The following TRHDE variants were observed in gnomAD, a reference collection of about 807,000 sequenced individuals.
TRHDE encodes thyrotropin releasing hormone degrading enzyme.
TRHDE carries 72 observed loss-of-function variants against 125.7 expected under a neutral mutation model. The ratio of observed to expected loss-of-function variants is 0.57; its 90% CI spans 0.47 to 0.70. The LOEUF (loss-of-function observed/expected upper bound fraction) is 0.70, where lower values mean the gene tolerates loss of function less well. Among genes scored for constraint, TRHDE ranks in the 30% least tolerant of loss-of-function variants. TRHDE has a pLI of 0.00. For missense variants in TRHDE, 1,110 were observed against 1,327.1 expected, an observed-to-expected ratio of 0.84 and a Z score of 2.54; for synonymous variants, 509 against 509.1, an observed-to-expected ratio of 1.00 and a Z score of 0.00.
At chr12:72,087,548 T>G (rs763248007) in intron 1 of TRHDE, 1 of 152,162 alleles carries the variant, frequency 6.6e-6, no homozygotes, top group Non-Finnish European at 1.5e-5. Flanking sequence ...TAAGTACAGA[T>G]GCAAATGAAT....
At chr12:72,441,015 C>A (rs1874984014) in intron 3 of TRHDE, among the ~76,000 whole-genome samples, 1 of 151,736 alleles carries the variant, frequency 6.6e-6, no homozygotes, top group African/African-American at 2.4e-5. Flanking sequence ...TGTGTTATGA[C>A]TTTCTGAAAT....
chr12:72,437,606 C>G (rs1041765580), intron 3 of TRHDE, among the ~76,000 whole-genome samples: 7 of 151,736 alleles, frequency 4.6e-5, no homozygotes, highest in Non-Finnish European at 1.0e-4. Flanking sequence ...TCAAAGTATA[C>G]AAGTGCAAAA....
chr12:72,091,999 A>G (rs752885644), intron 1 of TRHDE, among the ~76,000 whole-genome samples: 53 of 152,168 alleles, frequency 3.5e-4, no homozygotes, highest in Non-Finnish European at 7.4e-4. Context: ...GTCTTTTGTT[A>G]TCATTTCTGT....
intron 3 of TRHDE, among the ~76,000 whole-genome samples, chr12:72,444,525 AGT>A (rs772090382): frequency 5.1e-4 from 78 of 151,980 alleles, no homozygotes; most frequent in Admixed American, 9.2e-4. Flanking sequence ...TGAACCAAGA[AGT>A]ACATCCTGCT....
chr12:72,553,140 A>T (rs1057285113), intron 7 of TRHDE, among the ~76,000 whole-genome samples: 5 of 152,144 alleles, frequency 3.3e-5, no homozygotes, highest in Non-Finnish European at 7.4e-5. Context: ...AAGAGTAGAA[A>T]GGTACTTTCT....
chr12:72,390,563 A>G (rs1872578694), intron 3 of TRHDE, among the ~76,000 whole-genome samples: 1 of 152,240 alleles, frequency 6.6e-6, no homozygotes, highest in South Asian at 2.1e-4. Flanking sequence ...ATTAGGGTTA[A>G]CCATCTAAAA....
At chr12:72,176,623 A>T (rs892545749) in intron 2 of TRHDE, among the ~76,000 whole-genome samples, 3 of 152,202 alleles carry the variant, frequency 2.0e-5, no homozygotes, top group Non-Finnish European at 4.4e-5. Flanking sequence ...ACTGTTATTA[A>T]ATCTATGGTG....
chr12:72,272,668 G>A lies in TRHDE; in HGVS notation c.25G>A (p.Glu9Lys), dbSNP rs957486933. Residue 9 changes from glutamate (E) to lysine (K), a missense_variant, in exon 1 of 19, where the codon GAG (glutamate) becomes AAG (lysine). Coordinates refer to ENST00000261180, the MANE Select transcript of TRHDE (RefSeq NM_013381.3). This position sits in a 1 kb window ranked among gnomAD's most constrained non-coding sequence, Gnocchi z 6.7. MALDGELG[E>K]QEEEKKKKKK... ...GATGGCCCTGGACGGCGAGCTGGGG[G>A]AGCAAGAGGAGGAGAAGAAAAAGAA... is the stretch of plus-strand genomic sequence containing the variant. The A allele has an allele frequency of 2.4e-5, 30 of 1,261,866 alleles. No homozygotes were observed. The Admixed American group carries it at 8.2e-4, about 34-fold the overall frequency. 78.2% of individuals were successfully genotyped at this position (1,261,866 alleles called of 1,614,324 possible).
At chr12:72,245,133 G>A (rs1336830374) in intron 2 of TRHDE, among the ~76,000 whole-genome samples, 2 of 151,886 alleles carry the variant, frequency 1.3e-5, no homozygotes, top group Non-Finnish European at 2.9e-5. Context: ...GTCAAATAAT[G>A]TATAGTCCAT....
chr12:72,651,831 T>C (rs1255891846), intron 15 of TRHDE, among the ~76,000 whole-genome samples: 1 of 151,968 alleles, frequency 6.6e-6, no homozygotes, highest in African/African-American at 2.4e-5. Context: ...CTTCTAGGTC[T>C]CCAAAATTTG....
chr12:72,282,142 T>C lies in TRHDE; in HGVS notation c.915-4539T>C, dbSNP rs1333886961. Among the ~76,000 whole-genome samples, 3 of 152,144 alleles carry C rather than the reference T, an allele frequency of 2.0e-5. No individual in the cohort carries two copies. In the East Asian group the frequency reaches 5.8e-4, roughly 29 times the overall value. The stretch of plus-strand genomic sequence containing the variant: ...AGATTCATTAAAAGATAAAAATGAT[T>C]TTGTTTAGGAAAGCAGGAGAATAAC... On this transcript the variant is annotated intron_variant, in intron 1 of 18. Coordinates refer to ENST00000261180, the MANE Select transcript of TRHDE (RefSeq NM_013381.3).
intron 3 of TRHDE, among the ~76,000 whole-genome samples, chr12:72,465,900 G>A (rs1362139663): frequency 1.3e-5 from 2 of 152,194 alleles, no homozygotes; most frequent in East Asian, 1.9e-4. Flanking sequence ...TTATAATCAT[G>A]GTTCCTCATA....
intron 2 of TRHDE, among the ~76,000 whole-genome samples, chr12:72,171,593 G>A (rs913439102): frequency 8.5e-5 from 13 of 152,198 alleles, no homozygotes; most frequent in East Asian, 3.9e-4. Context: ...CTGAGGGTGC[G>A]CCTATATTTG....
chr12:72,227,018 C>T (rs535239355), intron 2 of TRHDE, among the ~76,000 whole-genome samples: 2 of 152,184 alleles, frequency 1.3e-5, no homozygotes, highest in African/African-American at 4.8e-5. Flanking sequence ...TTTGTGTTTC[C>T]ATTGGGAAAT....
Position 72,246,872 on chromosome 12 carries a change from A to G in TRHDE, n.280-131123A>G, listed in dbSNP as rs140055760. On this transcript the variant is annotated intron_variant and non_coding_transcript_variant, in intron 2 of 4. Transcript: ENST00000548156. ...AACCTCTGAGTAAAATTAAAGGTGCAGGAACATTTGTCAGTTCTTTTACTC... is the reference window on the plus strand; with the variant it reads ...AACCTCTGAGTAAAATTAAAGGTGCGGGAACATTTGTCAGTTCTTTTACTC... Among the ~76,000 whole-genome samples, 195 of 152,364 alleles carry G rather than the reference A, an allele frequency of 1.3e-3. 2 individuals are homozygous for G. The East Asian group carries it at 0.032, about 25-fold the overall frequency.
intron 2 of TRHDE, among the ~76,000 whole-genome samples, chr12:72,126,053 C>T (rs1875705608): frequency 1.3e-5 from 2 of 152,104 alleles, no homozygotes; most frequent in Admixed American, 1.3e-4. Flanking sequence ...GAGTATTGAT[C>T]AGGGCATATG....
intron 7 of TRHDE, among the ~76,000 whole-genome samples, chr12:72,552,130 CG>C (rs1869706602): frequency 1.3e-5 from 2 of 152,048 alleles, no homozygotes; most frequent in Admixed American, 1.3e-4. Flanking sequence ...CTGTATTAAA[CG>C]GTTTTAAACT....
rs576053597 is a variant in TRHDE at position 72,195,667 on chromosome 12, G to T, written n.279+89915G>T. Reference sequence around the variant, plus strand: ...TTTTGTCAGATTCAGTTTGCAAATTGTAGGTTGTCTGTTTACTCTGTCAAT... The same window carrying T: ...TTTTGTCAGATTCAGTTTGCAAATTTTAGGTTGTCTGTTTACTCTGTCAAT... On this transcript the variant is annotated intron_variant and non_coding_transcript_variant, in intron 2 of 4. Coordinates refer to the TRHDE transcript ENST00000548156. 2.0e-4 allele frequency among the ~76,000 whole-genome samples: 31 copies of T among 152,008 alleles called. 1 individual carries two copies. The South Asian group carries it at 6.4e-3, about 32-fold the overall frequency.
At chr12:72,166,572 AT>A (rs762681261) in intron 2 of TRHDE, among the ~76,000 whole-genome samples, 9 of 152,336 alleles carry the variant, frequency 5.9e-5, no homozygotes, top group Admixed American at 1.3e-4. Flanking sequence ...TTATGGCATA[AT>A]CAGCAGTGCT....
Sources: gnomAD v4.1 joint callset for allele counts (sites outside exome capture counted in the v4.1 genomes callset) on GRCh38, gnomAD v4.1.1 for gene constraint, Gnocchi (gnomAD v3.1) non-coding constraint, MANE v1.5 for transcripts, NCBI Gene and HGNC (gene_info 2026-07-23, HGNC 2026-07-21) for gene names.